MARK3: variants seen among roughly 807,000 people sequenced by gnomAD.
MARK3 encodes microtubule affinity regulating kinase 3.
In MARK3, 46 loss-of-function variants were observed where a neutral mutation model predicts 90.1. That is an observed-to-expected ratio of 0.51 (90% CI 0.40 to 0.65). The LOEUF (loss-of-function observed/expected upper bound fraction) is 0.65, where lower values mean the gene tolerates loss of function less well. Among genes scored for constraint, MARK3 ranks in the 30% least tolerant of loss-of-function variants. The pLI is 0.00. For missense variants in MARK3, 818 were observed against 947.2 expected, an observed-to-expected ratio of 0.86 and a Z score of 1.79; for synonymous variants, 321 against 332.6, an observed-to-expected ratio of 0.97 and a Z score of 0.38.
intron 3 of MARK3, among the ~76,000 whole-genome samples, chr14:103,430,170 A>G (rs1336753052): frequency 6.6e-6 from 1 of 152,184 alleles, no homozygotes; most frequent in Non-Finnish European, 1.5e-5. Flanking sequence ...GTATTATTCA[A>G]GTATGAACCA....
chr14:103,474,443 C>A (rs2093682335), intron 12 of MARK3, among the ~76,000 whole-genome samples: 1 of 152,232 alleles, frequency 6.6e-6, no homozygotes, highest in Non-Finnish European at 1.5e-5. Flanking sequence ...TAGTGACCTC[C>A]ACCGACTTCC....
At chr14:103,401,735 G>T (rs2140611013) in intron 1 of MARK3, among the ~76,000 whole-genome samples, 1 of 152,298 alleles carries the variant, frequency 6.6e-6, no homozygotes, top group South Asian at 2.1e-4. Flanking sequence ...ATGTAAAAAA[G>T]CCAGTATGAT....
Position 103,467,941 on chromosome 14 carries a change from A to T in MARK3, c.1111-92A>T, listed in dbSNP as rs1049459551. ...CCTCCTCTCTCTGAATGAACGGTTT[A>T]TGAGAGGTCTGTGTTAATGAAAAGT... On this transcript the variant is annotated intron_variant, in intron 11 of 17. Coordinates refer to ENST00000429436, the MANE Select transcript of MARK3 (RefSeq NM_001128918.3). 3.1e-6 allele frequency: 4 copies of T among 1,271,422 alleles called. No homozygotes were observed. The Admixed American group carries it at 8.4e-5, about 27-fold the overall frequency. The allele number at this position is 1,271,422 out of a possible 1,614,324, so 78.8% of individuals were successfully genotyped here.
At chr14:103,452,884 TTG>T (rs1159654606) in intron 5 of MARK3, among the ~76,000 whole-genome samples, 2 of 152,226 alleles carry the variant, frequency 1.3e-5, no homozygotes, top group South Asian at 2.1e-4. Context: ...TAATACTCCA[TTG>T]TGTGTGTGGG....
At chr14:103,479,213 G>C (rs1054990886) in intron 13 of MARK3, among the ~76,000 whole-genome samples, 1 of 151,976 alleles carries the variant, frequency 6.6e-6, no homozygotes, top group Non-Finnish European at 1.5e-5. Flanking sequence ...TGTTGTGGTA[G>C]AGATGAGGTC....
At chr14:103,457,045 A>T in intron 5 of MARK3, 97 bp from the exon 6 acceptor site, 1 of 689,500 alleles carries the variant, frequency 1.5e-6, no homozygotes, top group Non-Finnish European at 2.5e-6. Context: ...ATCTATATTT[A>T]AAAATTAGAG....
intron 15 of MARK3, among the ~76,000 whole-genome samples, chr14:103,497,937 G>C (rs2075434813): frequency 6.6e-6 from 1 of 152,024 alleles, no homozygotes; most frequent in Admixed American, 6.6e-5. Flanking sequence ...AGTGTATCTG[G>C]CCATTGCAGT....
At chr14:103,498,255 C>G (rs997644209) in intron 15 of MARK3, among the ~76,000 whole-genome samples, 1 of 151,560 alleles carries the variant, frequency 6.6e-6, no homozygotes, top group African/African-American at 2.4e-5. Context: ...TTAATTACAG[C>G]TAATGTCAAT....
intron 4 of MARK3, among the ~76,000 whole-genome samples, chr14:103,450,865 T>C (rs2093119609): frequency 6.7e-6 from 1 of 149,048 alleles, no homozygotes; most frequent in Non-Finnish European, 1.5e-5. Flanking sequence ...TACTCCAGTT[T>C]CATTTTTAAA....
intron 12 of MARK3, among the ~76,000 whole-genome samples, chr14:103,474,366 G>A (rs1054744162): frequency 2.0e-5 from 3 of 151,614 alleles, no homozygotes; most frequent in Non-Finnish European, 2.9e-5. Context: ...CAGGACATTA[G>A]TCTGTCATCC....
chr14:103,421,162 A>G (rs1363065524), intron 2 of MARK3, among the ~76,000 whole-genome samples: 4 of 152,194 alleles, frequency 2.6e-5, no homozygotes, highest in Non-Finnish European at 5.9e-5. Flanking sequence ...TGTGCGTTAC[A>G]GTGCTGTGGC....
intron 2 of MARK3, among the ~76,000 whole-genome samples, chr14:103,421,011 T>TA (rs1566811981): frequency 6.6e-6 from 1 of 152,182 alleles, no homozygotes; most frequent in Non-Finnish European, 1.5e-5. Context: ...GAGTGAAACT[T>TA]ACCTAACACC....
rs775857648 is a variant in MARK3, at chr14:103,465,813, T to C, written c.777+20T>C. ...CTAAAGGTATAAGAAGCTGCACCCA[T>C]GTACTTCACTAAACTAAAAGAAGTT... On this transcript the variant is annotated intron_variant, in intron 8 of 17. Coordinates refer to ENST00000429436, the MANE Select transcript of MARK3 (RefSeq NM_001128918.3). The C allele has an allele frequency of 1.3e-6, 2 of 1,591,514 alleles. No homozygotes were observed. The highest frequency in any genetic ancestry group is 1.7e-6 in the Non-Finnish European group (2 of 1,165,790).
intron 2 of MARK3, among the ~76,000 whole-genome samples, chr14:103,419,419 AAAT>A (rs1244517022): frequency 4.6e-5 from 7 of 152,232 alleles, no homozygotes; most frequent in South Asian, 2.1e-4. Context: ...AATTCATCAA[AAAT>A]AATAATCCTG....
rs181004032 is a variant in MARK3 at position 103,405,101 on chromosome 14, A to C, written c.77A>C (p.Gln26Pro). 21 of 1,614,002 alleles carry C rather than the reference A, an allele frequency of 1.3e-5. No individual in the cohort carries two copies. The Admixed American group carries it at 3.5e-4, about 27-fold the overall frequency. The change falls in exon 2 of 18, where the codon CAA becomes CCA. Residue 26 changes from glutamine (Q) to proline (P), a missense_variant. Physicochemically the swap from Gln to Pro is moderately conservative, Grantham distance 76. Transcript: ENST00000429436. Reference sequence around the variant, plus strand: ...CACACGTCACATGGAGATGGGCGTCAAGAAGTTACCTCTCGTACCAGCCGC... The same window carrying C: ...CACACGTCACATGGAGATGGGCGTCCAGAAGTTACCTCTCGTACCAGCCGC... ...ENHTSHGDGR[Q>P]EVTSRTSRSG...
intron 1 of MARK3, among the ~76,000 whole-genome samples, chr14:103,402,445 A>C (rs1048859497): frequency 6.6e-6 from 1 of 152,020 alleles, no homozygotes; most frequent in Non-Finnish European, 1.5e-5. Flanking sequence ...CCAGCTACTC[A>C]TGAGGCTGAG....
intron 12 of MARK3, among the ~76,000 whole-genome samples, chr14:103,473,895 C>T (rs900398856): frequency 2.6e-5 from 4 of 151,974 alleles, no homozygotes; most frequent in Non-Finnish European, 4.4e-5. Flanking sequence ...TATAAATTCT[C>T]TTCTGCCTTA....
chr14:103,398,507 C>T (rs1199069782), intron 1 of MARK3, among the ~76,000 whole-genome samples: 1 of 152,008 alleles, frequency 6.6e-6, no homozygotes. Context: ...GACAGACATC[C>T]CATTCTAATC....
At chr14:103,404,431 A>G (rs1397192643) in intron 1 of MARK3, among the ~76,000 whole-genome samples, 1 of 152,228 alleles carries the variant, frequency 6.6e-6, no homozygotes, top group Admixed American at 6.5e-5. Flanking sequence ...AGCCATGTAC[A>G]CAGTGTGTAC....
Sources: allele counts gnomAD v4.1 joint callset (sites outside exome capture counted in the v4.1 genomes callset), GRCh38; gene constraint gnomAD v4.1.1; transcripts MANE v1.5; gene names NCBI Gene and HGNC (gene_info 2026-07-23, HGNC 2026-07-21).